The following CCDC178 variants were observed in gnomAD, a reference collection of about 807,000 sequenced individuals.
CCDC178 encodes the protein coiled-coil domain containing 178.
CCDC178 carries 126 observed loss-of-function variants against 117.4 expected under a neutral mutation model. The ratio of observed to expected loss-of-function variants is 1.07; its 90% CI spans 0.93 to 1.24. The LOEUF (loss-of-function observed/expected upper bound fraction) is 1.24, where lower values mean the gene tolerates loss of function less well. Ranked by LOEUF, CCDC178 falls within the 50% of genes most tolerant of loss-of-function variation. The probability of loss-of-function intolerance (pLI) is 0.00; values close to 1 mark genes in which losing one functional copy is unlikely to be tolerated. For missense variants in CCDC178, 1,030 were observed against 986.9 expected (o/e 1.04, Z -0.59); for synonymous variants, 283 against 313.4 (o/e 0.90, Z 1.02).
At chr18:33,225,289 AG>A (rs1302144266) in intron 16 of CCDC178, among the ~76,000 whole-genome samples, 1 of 151,832 alleles carries the variant, frequency 6.6e-6, no homozygotes, top group Non-Finnish European at 1.5e-5. Flanking sequence ...CAGCCTTCTC[AG>A]TAGCTGGAAT....
At chr18:33,209,911 G>A (rs761337518) in intron 20 of CCDC178, among the ~76,000 whole-genome samples, 3 of 151,992 alleles carry the variant, frequency 2.0e-5, no homozygotes, top group Non-Finnish European at 4.4e-5. Context: ...GAAAGAGAAT[G>A]AGACAGACAG....
In CCDC178 at chr18:33,286,062, C is replaced by T. The variant is rs150123906; in HGVS notation, c.1176+7097G>A. Among the ~76,000 whole-genome samples the T allele has an allele frequency of 1.6e-3, 238 of 149,668 alleles. 8 individuals are homozygous for T. The East Asian group carries it at 0.04, about 25-fold the overall frequency. On this transcript the variant is annotated intron_variant, in intron 12 of 22. Transcript: ENST00000383096. The stretch of plus-strand genomic sequence containing the variant: ...AATCTTGGCTCATTGCAACCTCTGC[C>T]TCCCGGTTTCAAGCAATTCTCCTGC...
intron 21 of CCDC178, among the ~76,000 whole-genome samples, chr18:33,024,177 T>C (rs1598800134): frequency 6.6e-6 from 1 of 152,222 alleles, no homozygotes; most frequent in East Asian, 1.9e-4. Context: ...TAAGGAAGAA[T>C]TAAAACCAGT....
intron 20 of CCDC178, among the ~76,000 whole-genome samples, chr18:33,100,379 A>T (rs1331196013): frequency 6.6e-6 from 1 of 150,666 alleles, no homozygotes; most frequent in Non-Finnish European, 1.5e-5. Context: ...TATATATTTG[A>T]CCAAGAATTA....
At chr18:33,016,436 G>GA (rs529266473) in intron 21 of CCDC178, among the ~76,000 whole-genome samples, 3 of 150,466 alleles carry the variant, frequency 2.0e-5, no homozygotes, top group Non-Finnish European at 4.4e-5. Flanking sequence ...TCCACATTAT[G>GA]AAAAAAAAGC....
intron 21 of CCDC178, among the ~76,000 whole-genome samples, chr18:32,996,837 C>A (rs1345158981): frequency 6.6e-6 from 1 of 151,784 alleles, no homozygotes; most frequent in Non-Finnish European, 1.5e-5. Context: ...AAAAAAGTGA[C>A]ACATGTATTA....
chr18:33,005,629 C>G (rs755150630), intron 21 of CCDC178, among the ~76,000 whole-genome samples: 5 of 151,810 alleles, frequency 3.3e-5, no homozygotes, highest in Admixed American at 3.3e-4. Context: ...GTTTGTGACA[C>G]AAAGAAAGGA....
chr18:32,975,612 T>C (rs1941988794), intron 21 of CCDC178, among the ~76,000 whole-genome samples: 1 of 152,094 alleles, frequency 6.6e-6, no homozygotes, highest in South Asian at 2.1e-4. Flanking sequence ...TATTATATAT[T>C]TATAATGAAT....
intron 22 of CCDC178, among the ~76,000 whole-genome samples, chr18:32,960,309 CA>C (rs2054681284): frequency 6.6e-6 from 1 of 151,972 alleles, no homozygotes; most frequent in Admixed American, 6.6e-5. Context: ...GTATCATAAC[CA>C]ATGAATAAAA....
chr18:33,412,700 T>G (rs990577296), intron 2 of CCDC178, among the ~76,000 whole-genome samples: 1 of 152,144 alleles, frequency 6.6e-6, no homozygotes, highest in African/African-American at 2.4e-5. Flanking sequence ...TTTCAAAAAA[T>G]TTTTAAACAT....
At chr18:33,101,060 C>T (rs947668735) in intron 20 of CCDC178, among the ~76,000 whole-genome samples, 2 of 151,730 alleles carry the variant, frequency 1.3e-5, no homozygotes, top group African/African-American at 2.4e-5. Context: ...CAGTAAGTGA[C>T]AGGCACAGTA....
chr18:32,949,369 A>G (rs1381860669), intron 22 of CCDC178, among the ~76,000 whole-genome samples: 1 of 152,084 alleles, frequency 6.6e-6, no homozygotes, highest in Non-Finnish European at 1.5e-5. Flanking sequence ...CATAGACTCA[A>G]GTGTCACATT....
At chr18:33,387,429 C>G (rs746072545) in intron 5 of CCDC178, among the ~76,000 whole-genome samples, 2 of 152,030 alleles carry the variant, frequency 1.3e-5, no homozygotes, top group Non-Finnish European at 2.9e-5. Context: ...TAAAACAAAC[C>G]TGGAAGTATC....
chr18:32,975,443 A>C (rs1352570851), intron 21 of CCDC178, among the ~76,000 whole-genome samples: 2 of 152,222 alleles, frequency 1.3e-5, no homozygotes, highest in Non-Finnish European at 2.9e-5. Context: ...AAAAGAAAAC[A>C]GTGGACGTTT....
At chr18:33,235,778 T>C (rs952625012) in intron 15 of CCDC178, among the ~76,000 whole-genome samples, 10 of 152,324 alleles carry the variant, frequency 6.6e-5, no homozygotes, top group Middle Eastern at 3.4e-3. Context: ...TTGGTTGCAA[T>C]GTCGCATTCT....
intron 12 of CCDC178, among the ~76,000 whole-genome samples, chr18:33,279,391 C>T (rs1443958896): frequency 3.9e-5 from 6 of 152,098 alleles, no homozygotes; most frequent in Non-Finnish European, 8.8e-5. Context: ...AGGAATCCAA[C>T]TTACAAGGGA....
intron 3 of CCDC178, among the ~76,000 whole-genome samples, chr18:33,411,486 G>T (rs987682289): frequency 2.0e-5 from 3 of 152,100 alleles, no homozygotes; most frequent in Non-Finnish European, 4.4e-5. Context: ...TTTATATCAT[G>T]CAAAGATATG....
intron 4 of CCDC178, among the ~76,000 whole-genome samples, chr18:33,396,065 C>G (rs1197400658): frequency 6.6e-6 from 1 of 151,906 alleles, no homozygotes. Context: ...TGATTTAGAA[C>G]TAGTATTCAT....
At chr18:33,021,777 T>G (rs529546917) in intron 21 of CCDC178, among the ~76,000 whole-genome samples, 18 of 152,290 alleles carry the variant, frequency 1.2e-4, no homozygotes, top group African/African-American at 4.3e-4. Context: ...AAACATCTAC[T>G]CCTATTTGAA....
Sources: gnomAD v4.1 joint callset for allele counts (sites outside exome capture counted in the v4.1 genomes callset) on GRCh38, gnomAD v4.1.1 for gene constraint, MANE v1.5 for transcripts, NCBI Gene and HGNC (gene_info 2026-07-23, HGNC 2026-07-21) for gene names.